FARS2: variants seen among roughly 807,000 people sequenced by gnomAD.
FARS2 encodes the protein phenylalanyl-tRNA synthetase 2, mitochondrial.
A neutral mutation model predicts 46.4 loss-of-function variants in FARS2; 40 were observed. The ratio of observed to expected loss-of-function variants is 0.86; its 90% CI spans 0.67 to 1.12. The LOEUF (loss-of-function observed/expected upper bound fraction) is 1.12. Among genes scored for constraint, FARS2 ranks in the 50% most tolerant of loss-of-function variants. FARS2 has a pLI of 0.00. For missense variants in FARS2, 513 were observed against 567.9 expected, an observed-to-expected ratio of 0.90 and a Z score of 0.98; for synonymous variants, 234 against 214.9, an observed-to-expected ratio of 1.09 and a Z score of -0.78.
chr6:5,667,717 C>T (rs935680028), intron 6 of FARS2, among the ~76,000 whole-genome samples: 1 of 152,124 alleles, frequency 6.6e-6, no homozygotes, highest in Non-Finnish European at 1.5e-5. Context: ...GCCCTTAGAA[C>T]AATCTGTCCA....
chr6:5,491,805 T>G (rs144064677), intron 4 of FARS2, among the ~76,000 whole-genome samples: 1 of 152,222 alleles, frequency 6.6e-6, no homozygotes, highest in Non-Finnish European at 1.5e-5. Context: ...GCCACTCTTG[T>G]GACACCTCAC....
Position 5,515,929 on chromosome 6 carries a change from A to G in FARS2, c.905-29251A>G, listed in dbSNP as rs187428630. ...ATTTGTTACAGTACTCAACTTCAAG[A>G]TGCACAGCCCTATGTGTGTAATTTA... is the stretch of plus-strand genomic sequence containing the variant. On this transcript the variant is annotated intron_variant, in intron 4 of 6. Coordinates refer to ENST00000274680, the MANE Select transcript of FARS2 (RefSeq NM_006567.5). 4.9e-3 allele frequency among the ~76,000 whole-genome samples: 743 copies of G among 152,356 alleles called. 2 individuals are homozygous for G. The highest frequency in any genetic ancestry group is 6.9e-3 in the Non-Finnish European group (468 of 68,036).
At chr6:5,584,616 A>G (rs544543462) in intron 5 of FARS2, among the ~76,000 whole-genome samples, 6 of 152,162 alleles carry the variant, frequency 3.9e-5, no homozygotes, top group Non-Finnish European at 7.4e-5. Flanking sequence ...TATTATTTGA[A>G]GACAGGCCAT....
At chr6:5,707,054 T>C (rs954823094) in intron 6 of FARS2, among the ~76,000 whole-genome samples, 2 of 152,224 alleles carry the variant, frequency 1.3e-5, no homozygotes, top group Non-Finnish European at 2.9e-5. Flanking sequence ...ACTTGCTTGC[T>C]CTCACTCACT....
chr6:5,434,214 C>T (rs1424736), intron 4 of FARS2, among the ~76,000 whole-genome samples: 24,210 of 152,090 alleles, frequency 0.16, 2,577 homozygotes, highest in East Asian at 0.46. Context: ...TGGGTTCAAG[C>T]GATTCTTGTG....
chr6:5,361,574 AGTC>A (rs1446727838), intron 1 of FARS2, among the ~76,000 whole-genome samples: 2 of 152,206 alleles, frequency 1.3e-5, no homozygotes, highest in African/African-American at 4.8e-5. Context: ...TGTTCATACT[AGTC>A]AGCAGGAGCA....
intron 1 of FARS2, among the ~76,000 whole-genome samples, chr6:5,265,654 A>G (rs1357340134): frequency 6.6e-6 from 1 of 152,210 alleles, no homozygotes; most frequent in Non-Finnish European, 1.5e-5. Context: ...TGAGGGCGAT[A>G]TATAAATCAA....
At chr6:5,738,334 T>C (rs1223048966) in intron 6 of FARS2, among the ~76,000 whole-genome samples, 1 of 152,202 alleles carries the variant, frequency 6.6e-6, no homozygotes, top group African/African-American at 2.4e-5. Flanking sequence ...GCCAGAGCTC[T>C]GAAGAGATTG....
chr6:5,740,087 G>T (rs546109865), intron 6 of FARS2, among the ~76,000 whole-genome samples: 10 of 152,320 alleles, frequency 6.6e-5, no homozygotes, highest in African/African-American at 2.4e-4. Flanking sequence ...CATGGTTTTA[G>T]TCCAAAGTGA....
chr6:5,351,480 T>C lies in FARS2; in HGVS notation c.-21-17070T>C, dbSNP rs186881502. Reference sequence around the variant, plus strand: ...TCCAAAACACGTATTTGTGATATATTTCTTGTAATAGCTTATGGAAGATTT... The same window carrying C: ...TCCAAAACACGTATTTGTGATATATCTCTTGTAATAGCTTATGGAAGATTT... On this transcript the variant is annotated intron_variant, in intron 1 of 6. Coordinates refer to ENST00000274680, the MANE Select transcript of FARS2 (RefSeq NM_006567.5). Among the ~76,000 whole-genome samples the C allele has an allele frequency of 3.2e-4, 48 of 152,330 alleles. 1 individual carries two copies. The highest frequency in any genetic ancestry group is 2.9e-3 in the Admixed American group (44 of 15,302).
In FARS2 at chr6:5,618,921, T is replaced by C. The variant is rs370887044; in HGVS notation, c.1217+5601T>C. ...TTGAGAAGGCAATCATGTATGTCAGTATATGAACTTGATATCCCCTCCATC... is the reference window on the plus strand; with the variant it reads ...TTGAGAAGGCAATCATGTATGTCAGCATATGAACTTGATATCCCCTCCATC... On this transcript the variant is annotated intron_variant, in intron 6 of 6. Coordinates refer to ENST00000274680, the MANE Select transcript of FARS2 (RefSeq NM_006567.5). 2.5e-4 allele frequency among the ~76,000 whole-genome samples: 38 copies of C among 152,354 alleles called. 2 individuals are homozygous for C. Among genetic ancestry groups the C allele is most frequent in the African/African-American group, 9.1e-4 (38 of 41,588 alleles).
intron 6 of FARS2, among the ~76,000 whole-genome samples, chr6:5,675,154 A>T (rs1236236927): frequency 6.6e-6 from 1 of 152,178 alleles, no homozygotes; most frequent in African/African-American, 2.4e-5. Context: ...AAAGTTGCAT[A>T]TATTTACCTC....
Position 5,392,745 on chromosome 6 carries a change from C to T in FARS2, c.613-11797C>T, listed in dbSNP as rs1158324854. Among the ~76,000 whole-genome samples the T allele has an allele frequency of 7.7e-4, 17 of 21,996 alleles. No homozygotes were observed. The South Asian group carries it at 0.013, about 17-fold the overall frequency. The allele number at this position is 21,996 out of a possible 152,430, so 14.4% of individuals were successfully genotyped here. A position where few individuals can be genotyped will look rare whatever the true frequency, so the allele number is the denominator to read the frequency against. On this transcript the variant is annotated intron_variant, in intron 2 of 6. Transcript: ENST00000274680. Reference sequence around the variant, plus strand: ...TAAAATATATATATATACACACACACACACACACACACACACACACACACA... The same window carrying T: ...TAAAATATATATATATACACACACATACACACACACACACACACACACACA...
intron 6 of FARS2, among the ~76,000 whole-genome samples, chr6:5,625,028 A>G (rs528267121): frequency 9.2e-5 from 14 of 152,200 alleles, no homozygotes; most frequent in Admixed American, 7.8e-4. Flanking sequence ...TTCCCATCCC[A>G]CACATGGCTC....
intron 3 of FARS2, among the ~76,000 whole-genome samples, chr6:5,415,954 A>G (rs1423788570): frequency 2.0e-5 from 3 of 152,142 alleles, no homozygotes; most frequent in East Asian, 1.9e-4. Context: ...CAGTCTGCCC[A>G]CATTGGCCTC....
chr6:5,683,213 A>T (rs1779121146), intron 6 of FARS2, among the ~76,000 whole-genome samples: 2 of 152,180 alleles, frequency 1.3e-5, no homozygotes, highest in African/African-American at 4.8e-5. Flanking sequence ...GGTGGCCTGG[A>T]CTGGGAGGGC....
intron 4 of FARS2, among the ~76,000 whole-genome samples, chr6:5,499,167 G>A (rs1443635958): frequency 1.3e-5 from 2 of 152,176 alleles, no homozygotes; most frequent in Non-Finnish European, 2.9e-5. Context: ...GGCGTGTATC[G>A]ATGAAGGCTG....
chr6:5,656,858 C>G (rs539853315), intron 6 of FARS2, among the ~76,000 whole-genome samples: 1 of 152,222 alleles, frequency 6.6e-6, no homozygotes, highest in Non-Finnish European at 1.5e-5. Context: ...CAACCTTGTT[C>G]TTTGACACAG....
chr6:5,531,161 A>G (rs970497237), intron 4 of FARS2, among the ~76,000 whole-genome samples: 1 of 152,056 alleles, frequency 6.6e-6, no homozygotes, highest in Non-Finnish European at 1.5e-5. Context: ...TTTCACGTAT[A>G]TCTTATATTT....
Sources: allele counts gnomAD v4.1 joint callset (sites outside exome capture counted in the v4.1 genomes callset), GRCh38; gene constraint gnomAD v4.1.1; transcripts MANE v1.5; gene names NCBI Gene and HGNC (gene_info 2026-07-23, HGNC 2026-07-21).